The following YBX3 variants were observed in gnomAD, a reference collection of about 807,000 sequenced individuals.
YBX3 encodes Y-box-binding protein 3.
YBX3 carries 29 observed loss-of-function variants against 42.4 expected under a neutral mutation model. The ratio of observed to expected loss-of-function variants is 0.68; its 90% confidence interval spans 0.51 to 0.93. The LOEUF (loss-of-function observed/expected upper bound fraction) is 0.93. Ranked by LOEUF, YBX3 falls within the 40% of genes least tolerant of loss-of-function variation. The pLI, the probability that YBX3 is intolerant of heterozygous loss-of-function variation, is 0.00. For synonymous variants in YBX3, 195 were observed against 189.8 expected (o/e 1.03, Z -0.22); for missense variants, 517 against 527.5 (o/e 0.98, Z 0.19).
At chr12:10,710,947 A>C in intron 5 of YBX3, 1 of 158,834 alleles carries the variant, frequency 6.3e-6, no homozygotes, top group Non-Finnish European at 1.4e-5. Flanking sequence ...ATTGACAAAA[A>C]CTCTAGAATC....
At chr12:10,715,836 G>C in intron 3 of YBX3, 53 bp from the exon 4 acceptor site, 1 of 1,444,148 alleles carries the variant, frequency 6.9e-7, no homozygotes. Flanking sequence ...ATTGGCCACA[G>C]ATTTCACTGC....
chr12:10,722,779 C>A, intron 1 of YBX3, 71 bp downstream of exon 1: 1 of 1,285,412 alleles, frequency 7.8e-7, no homozygotes, highest in African/African-American at 1.5e-5. Flanking sequence ...GCGCGAGCTG[C>A]CCACACGTGC....
chr12:10,703,895 A>G (rs1948108454), intron 7 of YBX3, 156 bp downstream of exon 7: 1 of 620,672 alleles, frequency 1.6e-6, no homozygotes, highest in Non-Finnish European at 2.8e-6. Context: ...AGTAGGTGGG[A>G]AATGTCACAC....
chr12:10,721,677 T>G (rs1344480279), intron 1 of YBX3, among the ~76,000 whole-genome samples: 1 of 152,010 alleles, frequency 6.6e-6, no homozygotes, highest in Non-Finnish European at 1.5e-5. Flanking sequence ...GTGGGGAATA[T>G]TGAATACACT....
At chr12:10,705,878 T>C (rs1948131679) in intron 6 of YBX3, among the ~76,000 whole-genome samples, 2 of 152,212 alleles carry the variant, frequency 1.3e-5, no homozygotes, top group Non-Finnish European at 2.9e-5. Flanking sequence ...TCCAACATTC[T>C]TTGAGTACTT....
intron 6 of YBX3, 22 bp downstream of exon 6, chr12:10,709,886 G>T: frequency 1.2e-6 from 2 of 1,613,056 alleles, no homozygotes; most frequent in Non-Finnish European, 1.7e-6. Context: ...TTGCTGAAGA[G>T]AAGTCTCAGT....
In YBX3 at chr12:10,710,134, G is replaced by C. The variant is rs1184790298; in HGVS notation, c.574-20C>G. ...AGCGTACTAGCGAAGCAAAGAAACAGAGATTCAGAAGAAGTTTTAGCAAGG... is the reference window on the plus strand; with the variant it reads ...AGCGTACTAGCGAAGCAAAGAAACACAGATTCAGAAGAAGTTTTAGCAAGG... On this transcript the variant is annotated intron_variant, in intron 5 of 9. Coordinates refer to ENST00000228251, the MANE Select transcript of YBX3 (RefSeq NM_003651.5). 6.2e-6 allele frequency: 10 copies of C among 1,608,792 alleles called. No individual in the cohort carries two copies. The highest frequency in any genetic ancestry group is 8.5e-6 in the Non-Finnish European group (10 of 1,178,758).
chr12:10,714,825 TTCAC>T (rs1948242000), intron 4 of YBX3, among the ~76,000 whole-genome samples: 1 of 152,020 alleles, frequency 6.6e-6, no homozygotes, highest in Non-Finnish European at 1.5e-5. Flanking sequence ...AATGTCTCAG[TTCAC>T]TGCAAACTCC....
At chr12:10,706,240 G>A (rs1219788888) in intron 6 of YBX3, among the ~76,000 whole-genome samples, 1 of 152,174 alleles carries the variant, frequency 6.6e-6, no homozygotes, top group East Asian at 1.9e-4. Context: ...GGAGAGACCA[G>A]GGGTAACTCT....
At chr12:10,703,915 A>G in intron 7 of YBX3, 136 bp downstream of exon 7, 1 of 754,024 alleles carries the variant, frequency 1.3e-6, no homozygotes, top group Non-Finnish European at 2.2e-6. Flanking sequence ...CCACCACCTG[A>G]AAACTCTGGC....
chr12:10,714,578 C>T (rs1948238198), intron 4 of YBX3, among the ~76,000 whole-genome samples: 2 of 152,112 alleles, frequency 1.3e-5, no homozygotes, highest in Admixed American at 1.3e-4. Flanking sequence ...ATCAGGGTAC[C>T]TTCAGCTTCC....
rs75134414 is a variant in YBX3, at chr12:10,716,072, C to T, written c.361-289G>A. On this transcript the variant is annotated intron_variant, in intron 3 of 9. Coordinates refer to ENST00000228251, the MANE Select transcript of YBX3 (RefSeq NM_003651.5). ...AGTGACTACACACTACTGTTACAGG[C>T]TGATCACCTGATCATATCAGATGTA... 6.5e-3 allele frequency: 2,304 copies of T among 357,008 alleles called. 33 individuals carry two copies. Among genetic ancestry groups the T allele is most frequent in the East Asian group, 0.033 (471 of 14,118 alleles). The allele number at this position is 357,008 out of a possible 1,614,324, so 22.1% of individuals were successfully genotyped here.
intron 8 of YBX3, 30 bp downstream of exon 8, chr12:10,701,930 G>C: frequency 6.3e-7 from 1 of 1,584,634 alleles, no homozygotes; most frequent in Non-Finnish European, 8.6e-7. Flanking sequence ...AGACTATCTG[G>C]CAACATCCGC....
chr12:10,702,725 T>C (rs1179416900), intron 7 of YBX3: 1 of 152,022 alleles, frequency 6.6e-6, no homozygotes, highest in East Asian at 1.9e-4. Flanking sequence ...GCACTAAGAA[T>C]AGGAAAATTA....
intron 8 of YBX3, 75 bp downstream of exon 8, chr12:10,701,885 A>C: frequency 3.3e-6 from 5 of 1,507,600 alleles, no homozygotes; most frequent in Non-Finnish European, 4.5e-6. Context: ...ATGTGATAAA[A>C]CCACTTTTAG....
intron 6 of YBX3, among the ~76,000 whole-genome samples, chr12:10,705,164 G>C (rs988903405): frequency 3.9e-5 from 6 of 152,168 alleles, no homozygotes; most frequent in Admixed American, 2.6e-4. Flanking sequence ...CGCGATCTCA[G>C]CTCACTGCAA....
At chr12:10,713,468 A>G (rs1948224500) in intron 4 of YBX3, 135 bp from the exon 5 acceptor site, 2 of 1,143,218 alleles carry the variant, frequency 1.7e-6, no homozygotes, top group Non-Finnish European at 2.4e-6. Context: ...AAACAGATCT[A>G]GGTTTTAAAC....
At chr12:10,709,834 A>G in intron 6 of YBX3, 74 bp downstream of exon 6, 1 of 1,545,986 alleles carries the variant, frequency 6.5e-7, no homozygotes, top group Middle Eastern at 2.0e-4. Flanking sequence ...ATGTTGGAGG[A>G]GGAGGAGGAA....
intron 5 of YBX3, 38 bp from the exon 6 acceptor site, chr12:10,710,152 T>C (rs987764502): frequency 6.3e-7 from 1 of 1,598,236 alleles, no homozygotes; most frequent in African/African-American, 1.3e-5. Flanking sequence ...GAAGAAGTTT[T>C]AGCAAGGAAA....
Sources: gnomAD v4.1 joint callset for allele counts (sites outside exome capture counted in the v4.1 genomes callset) on GRCh38, gnomAD v4.1.1 for gene constraint, MANE v1.5 for transcripts, NCBI Gene and HGNC (gene_info 2026-07-23, HGNC 2026-07-21) for gene names.